The following SCHIP1 variants were observed in gnomAD, a reference collection of about 807,000 sequenced individuals.
SCHIP1 encodes the protein schwannomin interacting protein 1, also known as schwannomin-interacting protein 1.
In SCHIP1, 8 loss-of-function variants were observed where a neutral mutation model predicts 29.7. The ratio of observed to expected loss-of-function variants is 0.27; its 90% CI spans 0.16 to 0.49. The LOEUF is 0.49. Among genes scored for constraint, SCHIP1 ranks in the 20% least tolerant of loss-of-function variants. SCHIP1 has a pLI of 0.99. For synonymous variants in SCHIP1, 76 were observed against 94.9 expected (o/e 0.80, Z 1.16); for missense variants, 193 against 294.6 (o/e 0.66, Z 2.52).
chr3:159,715,531 A>C, the SCHIP1 span, among the ~76,000 whole-genome samples: 1 of 152,230 alleles, frequency 6.6e-6, no homozygotes, highest in East Asian at 1.9e-4. Flanking sequence ...GGCTAACTAG[A>C]ATAAACAGCG....
At chr3:159,662,840 G>T in the SCHIP1 span, among the ~76,000 whole-genome samples, 2 of 152,218 alleles carry the variant, frequency 1.3e-5, no homozygotes, top group African/African-American at 4.8e-5. Flanking sequence ...CTGCCTCTTT[G>T]GGTATCTTAG....
chr3:159,677,363 G>A, the SCHIP1 span, among the ~76,000 whole-genome samples: 1 of 152,190 alleles, frequency 6.6e-6, no homozygotes, highest in Non-Finnish European at 1.5e-5. Context: ...TGGACATGTA[G>A]TAAGGGGTTG....
At chr3:159,575,291 G>A in the SCHIP1 span, among the ~76,000 whole-genome samples, 36 of 152,240 alleles carry the variant, frequency 2.4e-4, no homozygotes, top group African/African-American at 8.4e-4. Context: ...ATTTTTATTA[G>A]AGTACTATCA....
At chr3:159,707,782 G>C in the SCHIP1 span, among the ~76,000 whole-genome samples, 1 of 152,150 alleles carries the variant, frequency 6.6e-6, no homozygotes, top group Non-Finnish European at 1.5e-5. Flanking sequence ...CAATCTTAAT[G>C]ATTATTGGAT....
the SCHIP1 span, among the ~76,000 whole-genome samples, chr3:159,351,185 T>C: frequency 6.6e-6 from 1 of 152,164 alleles, no homozygotes; most frequent in Non-Finnish European, 1.5e-5. Flanking sequence ...GAGCTGAGGA[T>C]ATACAAATTT....
At chr3:159,780,205 C>T in the SCHIP1 span, among the ~76,000 whole-genome samples, 1 of 152,160 alleles carries the variant, frequency 6.6e-6, no homozygotes, top group Non-Finnish European at 1.5e-5. Flanking sequence ...CAGCAAGGTC[C>T]TCAGGGACAG....
the SCHIP1 span, among the ~76,000 whole-genome samples, chr3:159,619,692 C>G: frequency 2.6e-5 from 4 of 152,156 alleles, no homozygotes; most frequent in Non-Finnish European, 5.9e-5. Context: ...AAACTGTACA[C>G]TTTTTGTTTG....
At chr3:159,600,699 G>A in the SCHIP1 span, among the ~76,000 whole-genome samples, 1 of 151,974 alleles carries the variant, frequency 6.6e-6, no homozygotes, top group Non-Finnish European at 1.5e-5. Context: ...ATTTATTGCT[G>A]AAGAATTATT....
the SCHIP1 span, among the ~76,000 whole-genome samples, chr3:159,370,139 A>T: frequency 6.6e-6 from 1 of 151,780 alleles, no homozygotes; most frequent in Non-Finnish European, 1.5e-5. Flanking sequence ...TCTGCTGGAA[A>T]CCCTCCAATG....
the SCHIP1 span, among the ~76,000 whole-genome samples, chr3:159,301,192 AC>A: frequency 6.6e-6 from 1 of 151,920 alleles, no homozygotes; most frequent in South Asian, 2.1e-4. Context: ...TGTCACTATT[AC>A]CCCCCATTTT....
chr3:159,891,552 T>C (rs1048375280), intron 5 of SCHIP1, among the ~76,000 whole-genome samples: 7 of 152,204 alleles, frequency 4.6e-5, no homozygotes, highest in Admixed American at 3.3e-4. Flanking sequence ...CATCTAACTA[T>C]ATTACAAATC....
chr3:159,618,980 G>A, the SCHIP1 span, among the ~76,000 whole-genome samples: 2 of 152,186 alleles, frequency 1.3e-5, no homozygotes, highest in African/African-American at 4.8e-5. Context: ...TTCCTTGGCA[G>A]GGTAAACAGC....
the SCHIP1 span, among the ~76,000 whole-genome samples, chr3:159,790,650 C>T: frequency 6.6e-6 from 1 of 152,192 alleles, no homozygotes; most frequent in South Asian, 2.1e-4. Flanking sequence ...TGAGCCCCTG[C>T]ACTCCAGCCT....
the SCHIP1 span, among the ~76,000 whole-genome samples, chr3:159,633,938 A>G: frequency 1.3e-5 from 2 of 152,206 alleles, no homozygotes; most frequent in Non-Finnish European, 2.9e-5. Flanking sequence ...ATAACAGTAA[A>G]AAAAGCAATA....
the SCHIP1 span, chr3:159,764,198 G>A: frequency 0.19 from 86,859 of 448,318 alleles, 8,773 homozygotes; most frequent in African/African-American, 0.24. This position sits in a 1 kb window ranked among gnomAD's most constrained non-coding sequence, Gnocchi z 6.1. Flanking sequence ...CGCGCTGGTG[G>A]CTGGGCACCC....
the SCHIP1 span, among the ~76,000 whole-genome samples, chr3:159,830,733 G>A: frequency 2.0e-5 from 3 of 152,286 alleles, no homozygotes; most frequent in Admixed American, 6.5e-5. Context: ...TGACCTTGAC[G>A]CAATAGTAGC....
chr3:159,340,331 A>T, the SCHIP1 span, among the ~76,000 whole-genome samples: 4 of 152,028 alleles, frequency 2.6e-5, no homozygotes, highest in Admixed American at 2.0e-4. Flanking sequence ...TTCTCATTAA[A>T]TGATGCAATT....
At chr3:159,631,584 A>G in the SCHIP1 span, among the ~76,000 whole-genome samples, 1 of 152,232 alleles carries the variant, frequency 6.6e-6, no homozygotes, top group Non-Finnish European at 1.5e-5. Context: ...AAAGGCCAAC[A>G]TTGTATGGTT....
At chr3:159,426,652 G>C in the SCHIP1 span, among the ~76,000 whole-genome samples, 2 of 152,110 alleles carry the variant, frequency 1.3e-5, no homozygotes, top group Non-Finnish European at 2.9e-5. Context: ...CCAATCAATA[G>C]AAAAAGAGGG....
Sources: allele counts gnomAD v4.1 joint callset (sites outside exome capture counted in the v4.1 genomes callset), GRCh38; gene constraint gnomAD v4.1.1; non-coding constraint Gnocchi (gnomAD v3.1); transcripts MANE v1.5; gene names NCBI Gene and HGNC (gene_info 2026-07-23, HGNC 2026-07-21).